The following CSNK1A1 variants were observed in gnomAD, a reference collection of about 807,000 sequenced individuals.
CSNK1A1 encodes casein kinase 1 alpha 1.
A neutral mutation model predicts 46.1 loss-of-function variants in CSNK1A1; 7 were observed. The ratio of observed to expected loss-of-function variants is 0.15; its 90% CI spans 0.09 to 0.29. The LOEUF (loss-of-function observed/expected upper bound fraction) is 0.29. Ranked by LOEUF, CSNK1A1 falls within the 10% of genes least tolerant of loss-of-function variation. The pLI, the probability that CSNK1A1 is intolerant of heterozygous loss-of-function variation, is 1.00. For missense variants in CSNK1A1, 96 were observed against 417.1 expected, an observed-to-expected ratio of 0.23 and a Z score of 6.71; for synonymous variants, 137 against 141.5, an observed-to-expected ratio of 0.97 and a Z score of 0.23.
intron 4 of CSNK1A1, among the ~76,000 whole-genome samples, chr5:149,519,350 AAAC>A (rs1201026450): frequency 6.6e-6 from 1 of 152,138 alleles, no homozygotes; most frequent in Non-Finnish European, 1.5e-5. Context: ...TTCCTTCCAA[AAAC>A]AAAACAAAAA....
At chr5:149,545,621 C>T (rs978445665) in intron 2 of CSNK1A1, 15 of 863,888 alleles carry the variant, frequency 1.7e-5, no homozygotes, top group African/African-American at 1.2e-4. Context: ...TTGGGCTTTA[C>T]GAGGGCCCTG....
intron 4 of CSNK1A1, among the ~76,000 whole-genome samples, chr5:149,519,512 C>G (rs1366084552): frequency 6.6e-6 from 1 of 152,138 alleles, no homozygotes; most frequent in Non-Finnish European, 1.5e-5. Flanking sequence ...AAGCAATTCA[C>G]TCAGTAAGAC....
chr5:149,500,462 A>G (rs1000674007), intron 9 of CSNK1A1, among the ~76,000 whole-genome samples: 1 of 150,948 alleles, frequency 6.6e-6, no homozygotes, highest in African/African-American at 2.4e-5. Flanking sequence ...TATTTTTAGT[A>G]AAGACAGGGT....
Position 149,493,952 on chromosome 5 carries a change from C to T in CSNK1A1, c.*2901G>A, listed in dbSNP as rs1415635649. On this transcript the variant is annotated 3_prime_UTR_variant, in exon 10 of 10. Coordinates refer to ENST00000377843, the MANE Select transcript of CSNK1A1 (RefSeq NM_001892.6). ...GACTAGTTGGAAAACGACCCAGGAA[C>T]TCACCTGCATTAAATGCTGAATTTA... 6.6e-6 allele frequency: 1 copy of T among 152,202 alleles called. No individual in the cohort carries two copies. The highest frequency in any genetic ancestry group is 2.4e-5 in the African/African-American group (1 of 41,438). The allele number at this position is 152,202 out of a possible 1,614,324, so 9.4% of individuals were successfully genotyped here.
chr5:149,513,201 A>G lies in CSNK1A1; in HGVS notation c.465T>C (p.Leu155=). 6 of 1,613,302 alleles carry G rather than the reference A, an allele frequency of 3.7e-6. No homozygotes were observed. Among genetic ancestry groups the G allele is most frequent in the Non-Finnish European group, 4.2e-6 (5 of 1,179,634 alleles). ...GIGRHCNKLF[L]IDFGLAKKYR... ...ACTTTTTGGCCAAACCAAAATCAAT[A>G]AGGAATAACTTTAAAAGAGAAATAC... Residue 155 remains leucine (L), a synonymous_variant, in exon 5 of 10, where the codon CTT becomes CTC. Coordinates refer to ENST00000377843, the MANE Select transcript of CSNK1A1 (RefSeq NM_001892.6).
In CSNK1A1 at chr5:149,550,285, A is replaced by G; in HGVS notation, c.124-104T>C. 2 of 1,511,852 alleles carry G rather than the reference A, an allele frequency of 1.3e-6. No homozygotes were observed. The highest frequency in any genetic ancestry group is 1.8e-6 in the Non-Finnish European group (2 of 1,134,008). 93.7% of individuals were successfully genotyped at this position (1,511,852 alleles called of 1,614,324 possible). On this transcript the variant is annotated intron_variant, in intron 1 of 9. Coordinates refer to ENST00000377843, the MANE Select transcript of CSNK1A1 (RefSeq NM_001892.6). This position sits in a 1 kb window ranked among gnomAD's most constrained non-coding sequence, Gnocchi z 4.3. ...AAAACTCCAAGTCGCGACTACAAGA[A>G]GAAGTGAAAAGCTGGAAAGAGAAAG...
At position 149,532,860 on chromosome 5, in the gene CSNK1A1, G is replaced by A. The variant is rs116218865; in HGVS notation, c.231-7689C>T. On this transcript the variant is annotated intron_variant, in intron 2 of 9. Coordinates refer to ENST00000377843, the MANE Select transcript of CSNK1A1 (RefSeq NM_001892.6). ...CCTGTCTAAATACATAGATCTCATG[G>A]GGGGTGGATATGGTTATGAACCAGG... is the stretch of plus-strand genomic sequence containing the variant. 8.9e-3 allele frequency among the ~76,000 whole-genome samples: 1,358 copies of A among 152,202 alleles called. 14 individuals are homozygous for A. The highest frequency in any genetic ancestry group is 0.014 in the Non-Finnish European group (935 of 68,024).
chr5:149,497,749 C>T, intron 9 of CSNK1A1: 1 of 985,490 alleles, frequency 1.0e-6, no homozygotes, highest in Non-Finnish European at 1.2e-6. Flanking sequence ...GAAACTATAG[C>T]TCATTCTAGC....
At chr5:149,507,255 T>C (rs754949334) in intron 7 of CSNK1A1, 122 bp from the exon 8 acceptor site, 108 of 692,268 alleles carry the variant, frequency 1.6e-4, no homozygotes, top group Non-Finnish European at 2.3e-4. Flanking sequence ...CATAGGAAGA[T>C]ATGAGAGCTA....
intron 6 of CSNK1A1, among the ~76,000 whole-genome samples, chr5:149,511,291 C>A (rs1761215333): frequency 6.6e-6 from 1 of 152,150 alleles, no homozygotes; most frequent in African/African-American, 2.4e-5. Flanking sequence ...GGCATTCCGG[C>A]TTGGGCAACA....
At chr5:149,545,884 C>A in intron 2 of CSNK1A1, 1 of 297,900 alleles carries the variant, frequency 3.4e-6, no homozygotes, top group Non-Finnish European at 6.3e-6. Context: ...ATGCCATTCT[C>A]TTATCCTTGC....
At position 149,545,890 on chromosome 5, in the gene CSNK1A1, C is replaced by T. The variant is rs1762464669; in HGVS notation, c.230+4185G>A. On this transcript the variant is annotated intron_variant, in intron 2 of 9. Transcript: ENST00000377843. ...AGAAAATGGATGCCATTCTCTTATC[C>T]TTGCTTTTTTTTTTTTGATACGGAG... The T allele has an allele frequency of 1.3e-5, 4 of 297,556 alleles. 1 individual carries two copies. The South Asian group carries it at 1.6e-4, about 12-fold the overall frequency. The allele number at this position is 297,556 out of a possible 1,614,324, so 18.4% of individuals were successfully genotyped here.
chr5:149,517,919 G>T lies in CSNK1A1; in HGVS notation c.456+2371C>A. On this transcript the variant is annotated intron_variant, in intron 4 of 9. Transcript: ENST00000377843. The surrounding 1 kb of genome is among the most constrained non-coding windows in gnomAD (Gnocchi z 4.4). Reference sequence around the variant, plus strand: ...GGGTGGCAGTGCATCAAACAGTATTGCTTACATTGCAACAATGGCCGGCGC... The same window carrying T: ...GGGTGGCAGTGCATCAAACAGTATTTCTTACATTGCAACAATGGCCGGCGC... The T allele has an allele frequency of 7.8e-7, 1 of 1,280,770 alleles. No homozygotes were observed. The allele number at this position is 1,280,770 out of a possible 1,614,324, so 79.3% of individuals were successfully genotyped here. A position where few individuals can be genotyped will look rare whatever the true frequency, so the allele number is the denominator to read the frequency against.
rs1232057213 is a variant in CSNK1A1 at position 149,525,607 on chromosome 5, C to A, written c.231-436G>T. Among the ~76,000 whole-genome samples the A allele has an allele frequency of 6.6e-6, 1 of 152,162 alleles. No individual in the cohort carries two copies. Among genetic ancestry groups the A allele is most frequent in the East Asian group, 1.9e-4 (1 of 5,198 alleles). On this transcript the variant is annotated intron_variant, in intron 2 of 9. Coordinates refer to ENST00000377843, the MANE Select transcript of CSNK1A1 (RefSeq NM_001892.6). The surrounding 1 kb of genome is among the most constrained non-coding windows in gnomAD (Gnocchi z 4.2). ...TCTGAACTTCGATTCCAGTTCCTAC[C>A]AAATTGCATTTAATCAATAATTACT...
In CSNK1A1 at chr5:149,542,658, A is replaced by G. The variant is rs1355569176; in HGVS notation, c.230+7417T>C. On this transcript the variant is annotated intron_variant, in intron 2 of 9. Coordinates refer to ENST00000377843, the MANE Select transcript of CSNK1A1 (RefSeq NM_001892.6). ...TATATATGTATATATATATATATAT[A>G]TATATATATATATGTATATATATAT... Among the ~76,000 whole-genome samples, 30 of 6,802 alleles carry G rather than the reference A, an allele frequency of 4.4e-3. 3 individuals are homozygous for G. Among genetic ancestry groups the G allele is most frequent in the African/African-American group, 0.014 (21 of 1,504 alleles). 4.5% of individuals were successfully genotyped at this position (6,802 alleles called of 152,430 possible).
chr5:149,545,516 G>C (rs977628786), intron 2 of CSNK1A1: 5 of 635,354 alleles, frequency 7.9e-6, no homozygotes, highest in Non-Finnish European at 1.4e-5. Context: ...TTGGCAATGC[G>C]GACACAAGCA....
rs1329505914 is a variant in CSNK1A1, at chr5:149,522,198, C to T, written c.358-1810G>A. 2.0e-5 allele frequency among the ~76,000 whole-genome samples: 3 copies of T among 152,088 alleles called. No homozygotes were observed. The East Asian group carries it at 5.8e-4, about 29-fold the overall frequency. ...TCACGGCTCACAGCAGCTTCAACTT[C>T]CGGGGCTCAAGTGATCCTCTCAGCT... is the stretch of plus-strand genomic sequence containing the variant. On this transcript the variant is annotated intron_variant, in intron 3 of 9. Coordinates refer to ENST00000377843, the MANE Select transcript of CSNK1A1 (RefSeq NM_001892.6).
chr5:149,545,474 C>T lies in CSNK1A1; in HGVS notation c.230+4601G>A, dbSNP rs897146135. 12 of 559,330 alleles carry T rather than the reference C, an allele frequency of 2.1e-5. No individual in the cohort carries two copies. In the African/African-American group the frequency reaches 2.3e-4, roughly 11 times the overall value. 34.6% of individuals were successfully genotyped at this position (559,330 alleles called of 1,614,324 possible). A position where few individuals can be genotyped will look rare whatever the true frequency, so the allele number is the denominator to read the frequency against. On this transcript the variant is annotated intron_variant, in intron 2 of 9. Transcript: ENST00000377843. ...AGCTGCAGCCTGGGCCTTGGTTGATCCTTGGCCTTTGGCCCACACAGTCTG... is the reference window on the plus strand; with the variant it reads ...AGCTGCAGCCTGGGCCTTGGTTGATTCTTGGCCTTTGGCCCACACAGTCTG...
chr5:149,544,301 T>G (rs1006536801), intron 2 of CSNK1A1, among the ~76,000 whole-genome samples: 27 of 152,208 alleles, frequency 1.8e-4, no homozygotes, highest in African/African-American at 6.5e-4. Context: ...CCAGTCAATA[T>G]CACATGGCAG....
Sources: gnomAD v4.1 joint callset for allele counts (sites outside exome capture counted in the v4.1 genomes callset) on GRCh38, gnomAD v4.1.1 for gene constraint, Gnocchi (gnomAD v3.1) non-coding constraint, MANE v1.5 for transcripts, NCBI Gene and HGNC (gene_info 2026-07-23, HGNC 2026-07-21) for gene names.